SLC4A4: variants seen among roughly 807,000 people sequenced by gnomAD.
SLC4A4 encodes the protein solute carrier family 4 member 4, also known as electrogenic sodium bicarbonate cotransporter 1.
SLC4A4 carries 27 observed loss-of-function variants against 111.5 expected under a neutral mutation model. That is an observed-to-expected ratio of 0.24 (90% CI 0.18 to 0.33). The LOEUF is 0.33. Among genes scored for constraint, SLC4A4 ranks in the 10% least tolerant of loss-of-function variants. The probability of loss-of-function intolerance (pLI) is 1.00; values close to 1 mark genes in which losing one functional copy is unlikely to be tolerated. For missense variants in SLC4A4, 909 were observed against 1,315.5 expected (o/e 0.69, Z 4.78); for synonymous variants, 443 against 463.4 (o/e 0.96, Z 0.57).
chr4:71,424,796 A>T (rs920466909), intron 7 of SLC4A4, among the ~76,000 whole-genome samples: 2 of 152,072 alleles, frequency 1.3e-5, no homozygotes, highest in Admixed American at 1.3e-4. Flanking sequence ...AACAATGAGA[A>T]CACGTGGACA....
intron 1 of SLC4A4, among the ~76,000 whole-genome samples, chr4:71,063,709 G>C (rs1029585326): frequency 1.3e-5 from 2 of 151,966 alleles, no homozygotes; most frequent in Non-Finnish European, 2.9e-5. Flanking sequence ...TATTTTTCTT[G>C]TCCAAAAGAG....
intron 6 of SLC4A4, among the ~76,000 whole-genome samples, chr4:71,385,477 C>T (rs1241728684): frequency 6.6e-6 from 1 of 151,922 alleles, no homozygotes; most frequent in Non-Finnish European, 1.5e-5. Flanking sequence ...GGATTATAAG[C>T]GTGAGCCATC....
At chr4:71,089,885 CAGCTGT>C (rs2148939904) in intron 1 of SLC4A4, among the ~76,000 whole-genome samples, 1 of 139,914 alleles carries the variant, frequency 7.1e-6, no homozygotes, top group Non-Finnish European at 1.6e-5. Flanking sequence ...CTCAGATCTC[CAGCTGT>C]GTGCTGGGAG....
rs541774658 is a variant in SLC4A4, at chr4:71,360,976, G to A, written c.730+3789G>A. Among the ~76,000 whole-genome samples the A allele has an allele frequency of 5.3e-5, 8 of 152,262 alleles. No individual in the cohort carries two copies. In the South Asian group the frequency reaches 1.7e-3, roughly 32 times the overall value. On this transcript the variant is annotated intron_variant, in intron 6 of 25. Transcript: ENST00000264485. ...ACTCTCAGCAGAGCGAGTCCTGGTAGTACAGGCTTCCTGCCTTGCAGATTG... is the reference window on the plus strand; with the variant it reads ...ACTCTCAGCAGAGCGAGTCCTGGTAATACAGGCTTCCTGCCTTGCAGATTG...
At chr4:71,122,992 C>A (rs1040040325) in intron 2 of SLC4A4, among the ~76,000 whole-genome samples, 3 of 151,922 alleles carry the variant, frequency 2.0e-5, no homozygotes, top group African/African-American at 7.3e-5. Flanking sequence ...AATATTAATG[C>A]CTGTAAAACA....
intron 2 of SLC4A4, among the ~76,000 whole-genome samples, chr4:71,241,320 T>A (rs566831816): frequency 6.6e-6 from 1 of 152,202 alleles, no homozygotes; most frequent in South Asian, 2.1e-4. Context: ...TTTATCAAAC[T>A]TTTTCATTCT....
At chr4:71,211,704 A>G (rs1013912514) in intron 1 of SLC4A4, among the ~76,000 whole-genome samples, 3 of 152,034 alleles carry the variant, frequency 2.0e-5, no homozygotes, top group Admixed American at 2.0e-4. Flanking sequence ...ACATTTGACA[A>G]TTTAAAGTCA....
intron 8 of SLC4A4, among the ~76,000 whole-genome samples, chr4:71,443,223 T>C (rs1423469519): frequency 1.3e-5 from 2 of 149,204 alleles, no homozygotes; most frequent in Non-Finnish European, 3.0e-5. Context: ...TGATCTTGGC[T>C]CACTGCAACC....
At chr4:71,066,697 G>A (rs1290412588) in intron 1 of SLC4A4, among the ~76,000 whole-genome samples, 1 of 152,142 alleles carries the variant, frequency 6.6e-6, no homozygotes, top group Admixed American at 6.5e-5. Flanking sequence ...TTTGATGTCT[G>A]ATTATTTCTT....
rs1444397337 is a variant in SLC4A4, at chr4:71,102,842, C to G, written c.-2+10050C>G. ...TGCCAAAATGTAAAGACCATCGAGA[C>G]TAGGAAGAAACTGCATCAACTAACG... On this transcript the variant is annotated intron_variant, in intron 2 of 26. Transcript: ENST00000649996. Among the ~76,000 whole-genome samples, 3 of 151,776 alleles carry G rather than the reference C, an allele frequency of 2.0e-5. No individual in the cohort carries two copies. The East Asian group carries it at 5.8e-4, about 29-fold the overall frequency.
At chr4:71,130,495 C>G (rs764894256) in intron 2 of SLC4A4, among the ~76,000 whole-genome samples, 1 of 152,166 alleles carries the variant, frequency 6.6e-6, no homozygotes, top group African/African-American at 2.4e-5. Flanking sequence ...ACCTCGGCCT[C>G]CCAAAGTGCT....
chr4:71,250,137 T>G (rs1034438377), intron 2 of SLC4A4, among the ~76,000 whole-genome samples: 1 of 75,396 alleles, frequency 1.3e-5, no homozygotes, highest in South Asian at 3.1e-4. Flanking sequence ...ATTTTTCTTT[T>G]CTTAATAAAA....
rs1466369542 is a variant in SLC4A4 at position 71,114,590 on chromosome 4, C to A, written c.-2+21798C>A. Among the ~76,000 whole-genome samples the A allele has an allele frequency of 7.4e-3, 1,099 of 148,294 alleles. 12 individuals carry two copies. Among genetic ancestry groups the A allele is most frequent in the African/African-American group, 0.027 (1,036 of 38,038 alleles). On this transcript the variant is annotated intron_variant, in intron 2 of 26. Coordinates refer to the SLC4A4 transcript ENST00000649996. ...GTCAAAAAACACATGAAAAAATGCT[C>A]ACCATCACTGGCCATCAGAGAAATG...
chr4:71,463,475 A>G (rs34302302), intron 12 of SLC4A4, among the ~76,000 whole-genome samples: 31 of 152,068 alleles, frequency 2.0e-4, no homozygotes, highest in Admixed American at 1.7e-3. Flanking sequence ...AATACTGGAA[A>G]CATCTCTAAG....
chr4:71,120,213 A>T lies in SLC4A4; in HGVS notation c.-2+27421A>T, dbSNP rs374090056. Among the ~76,000 whole-genome samples the T allele has an allele frequency of 1.2e-4, 19 of 152,236 alleles. No homozygotes were observed. In the East Asian group the frequency reaches 3.5e-3, roughly 28 times the overall value. On this transcript the variant is annotated intron_variant, in intron 2 of 26. Coordinates refer to the SLC4A4 transcript ENST00000649996. ...TATACAAATATAAATTGAGGTGCAAAATTAAGGTGCCGCCTCTAGAGAAGT... is the reference window on the plus strand; with the variant it reads ...TATACAAATATAAATTGAGGTGCAATATTAAGGTGCCGCCTCTAGAGAAGT...
chr4:71,364,159 G>GT (rs1433566020), intron 6 of SLC4A4, among the ~76,000 whole-genome samples: 6 of 152,174 alleles, frequency 3.9e-5, no homozygotes, highest in Non-Finnish European at 8.8e-5. Context: ...GTTTGACATT[G>GT]AAGGCCTACT....
chr4:71,208,441 A>ATATATATATAT (rs751310771), intron 1 of SLC4A4, among the ~76,000 whole-genome samples: 1 of 144,082 alleles, frequency 6.9e-6, no homozygotes, highest in African/African-American at 2.6e-5. Flanking sequence ...AAAAAAAAAA[A>ATATATATATAT]AAATATATAT....
intron 16 of SLC4A4, among the ~76,000 whole-genome samples, chr4:71,528,175 T>G (rs1041353895): frequency 6.6e-6 from 1 of 152,148 alleles, no homozygotes; most frequent in African/African-American, 2.4e-5. Context: ...CATATCCTGC[T>G]ATCAGAGTTC....
chr4:71,360,507 G>T (rs1560440372), intron 6 of SLC4A4, among the ~76,000 whole-genome samples: 2 of 152,070 alleles, frequency 1.3e-5, no homozygotes, highest in South Asian at 4.1e-4. Context: ...TCTGATTTAG[G>T]AAAAGAGTCA....
Sources: allele counts gnomAD v4.1 joint callset (sites outside exome capture counted in the v4.1 genomes callset), GRCh38; gene constraint gnomAD v4.1.1; transcripts MANE v1.5; gene names NCBI Gene and HGNC (gene_info 2026-07-23, HGNC 2026-07-21).